Variants in CEP128 observed in about 807,000 individuals in gnomAD.
CEP128 encodes the protein centrosomal protein 128.
Under a neutral mutation model 156.7 loss-of-function variants are expected in CEP128, and 132 were observed. The observed-to-expected ratio is 0.84, with a 90% confidence interval of 0.73 to 0.97. CEP128 has a LOEUF of 0.97. CEP128 is among the 50% of genes least tolerant of loss of function. CEP128 has a pLI of 0.00. For missense variants in CEP128, 1,252 were observed against 1,281.9 expected, an observed-to-expected ratio of 0.98 and a Z score of 0.36; for synonymous variants, 469 against 448.9, an observed-to-expected ratio of 1.04 and a Z score of -0.57.
At chr14:80,584,925 G>T (rs916311008) in intron 19 of CEP128, among the ~76,000 whole-genome samples, 2 of 152,214 alleles carry the variant, frequency 1.3e-5, no homozygotes, top group Non-Finnish European at 2.9e-5. Flanking sequence ...CCACTGACAT[G>T]TTCGTGTTTT....
At chr14:80,548,403 A>G (rs1890074766) in intron 21 of CEP128, among the ~76,000 whole-genome samples, 3 of 152,198 alleles carry the variant, frequency 2.0e-5, no homozygotes, top group Non-Finnish European at 4.4e-5. Context: ...TAAAATGTGT[A>G]TAAAATATAC....
At chr14:80,944,161 T>C (rs1253006517), upstream of CEP128, among the ~76,000 whole-genome samples, 1 of 152,172 alleles carries the variant, frequency 6.6e-6, no homozygotes, top group Non-Finnish European at 1.5e-5. Flanking sequence ...TTTTAATCAA[T>C]ATGGCCAACA....
At chr14:80,760,110 G>A (rs777562711) in intron 17 of CEP128, among the ~76,000 whole-genome samples, 2 of 150,858 alleles carry the variant, frequency 1.3e-5, no homozygotes, top group Admixed American at 6.6e-5. Flanking sequence ...TTAAATAAAC[G>A]CAAATATGAC....
intron 2 of CEP128, among the ~76,000 whole-genome samples, chr14:80,917,258 C>A (rs1884614358): frequency 1.3e-5 from 2 of 152,038 alleles, no homozygotes; most frequent in Admixed American, 1.3e-4. Context: ...CTATTTAATA[C>A]ATTAAAAAAA....
chr14:80,535,621 A>ACT (rs1722371006), intron 21 of CEP128, among the ~76,000 whole-genome samples: 1 of 150,892 alleles, frequency 6.6e-6, no homozygotes. Flanking sequence ...ACACTCACAC[A>ACT]CACACACACA....
intron 19 of CEP128, among the ~76,000 whole-genome samples, chr14:80,688,688 A>C (rs1369800975): frequency 6.6e-6 from 1 of 152,236 alleles, no homozygotes; most frequent in South Asian, 2.1e-4. Context: ...AACATGGGTC[A>C]AAGTTAATTT....
At chr14:80,525,003 G>T (rs929398346) in intron 23 of CEP128, among the ~76,000 whole-genome samples, 5 of 152,096 alleles carry the variant, frequency 3.3e-5, no homozygotes, top group Admixed American at 1.3e-4. Flanking sequence ...TCATAGCTTT[G>T]CCATATGCTG....
intron 23 of CEP128, among the ~76,000 whole-genome samples, chr14:80,512,984 A>G (rs1040703567): frequency 3.3e-5 from 5 of 152,074 alleles, no homozygotes; most frequent in African/African-American, 1.2e-4. Context: ...TAGTCTTTCT[A>G]CTGAAGGTAT....
At chr14:80,687,532 T>C (rs564750695) in intron 19 of CEP128, among the ~76,000 whole-genome samples, 17 of 152,082 alleles carry the variant, frequency 1.1e-4, no homozygotes, top group South Asian at 4.1e-4. Flanking sequence ...AGCTAAACAA[T>C]TGTTATTCAT....
At chr14:80,564,784 C>T (rs1158901140) in intron 20 of CEP128, among the ~76,000 whole-genome samples, 5 of 152,152 alleles carry the variant, frequency 3.3e-5, no homozygotes, top group African/African-American at 9.7e-5. Context: ...TTAGGGCAGG[C>T]GCAGTGGCTC....
chr14:80,840,851 G>T, intron 9 of CEP128, 83 bp from the exon 10 acceptor site: 1 of 823,630 alleles, frequency 1.2e-6, no homozygotes, highest in Non-Finnish European at 2.0e-6. Context: ...ATGTATTAGG[G>T]CTGAAGAAGA....
intron 21 of CEP128, among the ~76,000 whole-genome samples, chr14:80,557,644 C>A (rs1205139382): frequency 6.6e-6 from 1 of 152,124 alleles, no homozygotes; most frequent in Admixed American, 6.5e-5. Flanking sequence ...GAATAGTGTA[C>A]TTTCTAAATG....
chr14:80,933,504 C>T (rs1039836259), intron 2 of CEP128, among the ~76,000 whole-genome samples: 2 of 152,130 alleles, frequency 1.3e-5, no homozygotes, highest in African/African-American at 4.8e-5. Context: ...CAACTGTGAG[C>T]CTCTGCCAGC....
chr14:80,889,767 T>C (rs1306132929), intron 8 of CEP128, among the ~76,000 whole-genome samples: 1 of 152,042 alleles, frequency 6.6e-6, no homozygotes, highest in South Asian at 2.1e-4. Flanking sequence ...AAAGCCAAAA[T>C]AGACAAATAG....
At chr14:80,810,345 A>AAAAAAAAAAAAAAAAAAAAT in intron 13 of CEP128, among the ~76,000 whole-genome samples, 2 of 149,052 alleles carry the variant, frequency 1.3e-5, no homozygotes, top group African/African-American at 2.4e-5. Flanking sequence ...AAAAAAAAAA[A>AAAAAAAAAAAAAAAAAAAAT]AAAGAATATA....
chr14:80,677,718 T>C (rs1188540966), intron 19 of CEP128, among the ~76,000 whole-genome samples: 1 of 151,846 alleles, frequency 6.6e-6, no homozygotes, highest in Non-Finnish European at 1.5e-5. Context: ...TGTTTCAGCC[T>C]AGTGAAAAGG....
At chr14:80,604,542 T>C (rs1396517210) in intron 19 of CEP128, among the ~76,000 whole-genome samples, 1 of 152,130 alleles carries the variant, frequency 6.6e-6, no homozygotes, top group Non-Finnish European at 1.5e-5. Context: ...GCAATGTCCT[T>C]CCTGACCTTC....
At chr14:80,632,781 G>A (rs1054378752) in intron 19 of CEP128, among the ~76,000 whole-genome samples, 4 of 151,984 alleles carry the variant, frequency 2.6e-5, no homozygotes, top group Non-Finnish European at 5.9e-5. Flanking sequence ...TGTATGTCTG[G>A]GAGTGGAATT....
intron 13 of CEP128, among the ~76,000 whole-genome samples, chr14:80,822,229 C>A (rs995589280): frequency 6.6e-6 from 1 of 152,182 alleles, no homozygotes; most frequent in African/African-American, 2.4e-5. Flanking sequence ...AAAGTTTCAT[C>A]TGAGACAAGG....
Sources: allele counts gnomAD v4.1 joint callset (sites outside exome capture counted in the v4.1 genomes callset), GRCh38; gene constraint gnomAD v4.1.1; transcripts MANE v1.5; gene names NCBI Gene and HGNC (gene_info 2026-07-23, HGNC 2026-07-21).